Variants in LMO7 observed in about 807,000 individuals in gnomAD.
LMO7 encodes the protein LIM domain 7, also known as LIM domain only protein 7.
Under a neutral mutation model 206.5 loss-of-function variants are expected in LMO7, and 120 were observed. That is an observed-to-expected ratio of 0.58 (90% confidence interval 0.50 to 0.68). LMO7 has a LOEUF of 0.68. Ranked by LOEUF, LMO7 falls within the 30% of genes least tolerant of loss-of-function variation. The probability of loss-of-function intolerance (pLI) is 0.00; values close to 1 mark genes in which losing one functional copy is unlikely to be tolerated. For missense variants in LMO7, 1,959 were observed against 1,957.9 expected, an observed-to-expected ratio of 1.00 and a Z score of -0.01; for synonymous variants, 706 against 681.5, an observed-to-expected ratio of 1.04 and a Z score of -0.56.
At chr13:75,639,592 T>A (rs1288225730) in intron 1 of LMO7, among the ~76,000 whole-genome samples, 1 of 152,222 alleles carries the variant, frequency 6.6e-6, no homozygotes, top group East Asian at 1.9e-4. Flanking sequence ...TGGACTCTAA[T>A]TTTAGGCCTC....
At chr13:75,785,308 A>G (rs1000172712) in intron 4 of LMO7, among the ~76,000 whole-genome samples, 3 of 152,178 alleles carry the variant, frequency 2.0e-5, no homozygotes, top group Non-Finnish European at 4.4e-5. Context: ...AAGCCTATGA[A>G]TCACATCAAA....
intron 1 of LMO7, among the ~76,000 whole-genome samples, chr13:75,694,539 A>G (rs2041757676): frequency 1.3e-5 from 2 of 152,210 alleles, no homozygotes; most frequent in South Asian, 2.1e-4. Context: ...AGAACAATCC[A>G]TAGGAGAATG....
intron 17 of LMO7, 175 bp from the exon 18 acceptor site, chr13:75,835,058 G>A (rs987909089): frequency 1.4e-6 from 1 of 716,960 alleles, no homozygotes; most frequent in African/African-American, 1.8e-5. Flanking sequence ...TCTTGTATAT[G>A]TAGATTTTTT....
chr13:75,742,725 A>G (rs1160103554), intron 3 of LMO7, among the ~76,000 whole-genome samples: 1 of 152,244 alleles, frequency 6.6e-6, no homozygotes, highest in African/African-American at 2.4e-5. Context: ...AATTAACTCA[A>G]GATGGATTAA....
Position 75,636,453 on chromosome 13 carries a change from G to C in LMO7, c.-205G>C. ...CTTTCAGGAGTTTAGAGAAAGCCAGGTCTTCACGTTCGTGTAGGTTCGAGA... is the reference window on the plus strand; with the variant it reads ...CTTTCAGGAGTTTAGAGAAAGCCAGCTCTTCACGTTCGTGTAGGTTCGAGA... On this transcript the variant is annotated 5_prime_UTR_variant, in exon 1 of 31. Transcript: ENST00000377534. 4.9e-6 allele frequency: 7 copies of C among 1,417,012 alleles called. No individual in the cohort carries two copies. Among genetic ancestry groups the C allele is most frequent in the Non-Finnish European group, 6.4e-6 (7 of 1,091,204 alleles). 87.8% of individuals were successfully genotyped at this position (1,417,012 alleles called of 1,614,324 possible).
chr13:75,704,746 T>C (rs2042529273), intron 1 of LMO7, among the ~76,000 whole-genome samples: 1 of 152,230 alleles, frequency 6.6e-6, no homozygotes, highest in South Asian at 2.1e-4. Flanking sequence ...ATGTGGATTA[T>C]GCGATCAGAA....
chr13:75,681,736 A>ATGTATATATATATATATATATG (rs755013256), intron 1 of LMO7, among the ~76,000 whole-genome samples: 1 of 133,232 alleles, frequency 7.5e-6, no homozygotes, highest in African/African-American at 2.7e-5. Flanking sequence ...ATATATATAT[A>ATGTATATATATATATATATATG]TATATATATA....
intron 4 of LMO7, among the ~76,000 whole-genome samples, chr13:75,790,599 A>G (rs1158339261): frequency 6.6e-6 from 1 of 152,284 alleles, no homozygotes; most frequent in African/African-American, 2.4e-5. Context: ...TTGACTTGGT[A>G]CTAGTATTTT....
At chr13:75,851,749 C>T (rs546003869) in intron 27 of LMO7, among the ~76,000 whole-genome samples, 3 of 152,208 alleles carry the variant, frequency 2.0e-5, no homozygotes, top group South Asian at 4.1e-4. Context: ...GGAGCTAAAT[C>T]TGATTTTAAA....
chr13:75,637,826 G>A (rs2036105676), intron 1 of LMO7, among the ~76,000 whole-genome samples: 1 of 152,198 alleles, frequency 6.6e-6, no homozygotes, highest in Non-Finnish European at 1.5e-5. Flanking sequence ...AATGTGAGTA[G>A]CATTAACCAC....
chr13:75,654,510 A>C (rs1185358031), intron 1 of LMO7, among the ~76,000 whole-genome samples: 1 of 152,128 alleles, frequency 6.6e-6, no homozygotes, highest in Non-Finnish European at 1.5e-5. Context: ...CCCTTGGCAC[A>C]GGAAGGGAGG....
Position 75,841,951 on chromosome 13 carries a change from G to A in LMO7, c.3999G>A (p.Arg1333=), listed in dbSNP as rs748974045. ...EEQKRQAEIE[R]ETSVRIYQYR... ...AGAAGCGCCAGGCAGAGATAGAGCGGGAAACATCAGTCAGAATATACCAGT... is the reference window on the plus strand; with the variant it reads ...AGAAGCGCCAGGCAGAGATAGAGCGAGAAACATCAGTCAGAATATACCAGT... The change falls in exon 24 of 31, where the codon CGG becomes CGA. Residue 1333 remains arginine (R), a synonymous_variant. Transcript: ENST00000377534. The A allele has an allele frequency of 6.2e-7, 1 of 1,612,328 alleles. No homozygotes were observed. Among genetic ancestry groups the A allele is most frequent in the South Asian group, 1.1e-5 (1 of 90,992 alleles).
intron 9 of LMO7, chr13:75,806,323 T>A: frequency 3.6e-6 from 3 of 843,508 alleles, no homozygotes; most frequent in Non-Finnish European, 2.9e-6. Context: ...CTCTGCCTGC[T>A]TCTGCTGCTC....
intron 6 of LMO7, among the ~76,000 whole-genome samples, chr13:75,799,979 G>A (rs2054524759): frequency 6.6e-6 from 1 of 152,132 alleles, no homozygotes; most frequent in Admixed American, 6.5e-5. Context: ...CTTTATATGA[G>A]CCAAACAAAT....
In LMO7 at chr13:75,688,349, G is replaced by C. The variant is rs181628466; in HGVS notation, c.70-24833G>C. ...CCCCATATGTATGCTTAGAATTCTT[G>C]TGCGAATAACAGAAAGCTCCATTTC... On this transcript the variant is annotated intron_variant, in intron 1 of 30. Transcript: ENST00000377534. 3.6e-4 allele frequency among the ~76,000 whole-genome samples: 55 copies of C among 152,242 alleles called. 1 individual carries two copies. The highest frequency in any genetic ancestry group is 1.0e-3 in the Admixed American group (16 of 15,290).
Position 75,697,781 on chromosome 13 carries a change from C to G in LMO7, c.70-15401C>G, listed in dbSNP as rs139244156. ...CCAATAAGTGGAAATAAAATTACTA[C>G]TTGATCAACGGGAAACTAATAATTA... is the stretch of plus-strand genomic sequence containing the variant. On this transcript the variant is annotated intron_variant, in intron 1 of 30. Coordinates refer to ENST00000377534, the MANE Select transcript of LMO7 (RefSeq NM_001306080.2). Among the ~76,000 whole-genome samples, 88 of 152,324 alleles carry G rather than the reference C, an allele frequency of 5.8e-4. 2 individuals carry two copies. The East Asian group carries it at 0.015, about 26-fold the overall frequency.
At chr13:75,754,313 T>C (rs1356522105) in intron 3 of LMO7, among the ~76,000 whole-genome samples, 1 of 152,346 alleles carries the variant, frequency 6.6e-6, no homozygotes, top group East Asian at 1.9e-4. Flanking sequence ...CTTACTGTAA[T>C]GTTTTGTAGC....
At chr13:75,836,934 G>C (rs1358435961) in intron 19 of LMO7, among the ~76,000 whole-genome samples, 3 of 152,170 alleles carry the variant, frequency 2.0e-5, no homozygotes, top group African/African-American at 7.2e-5. Context: ...AAAATATCTA[G>C]GGAAATTTTG....
chr13:75,663,796 A>C (rs1031803051), intron 1 of LMO7, among the ~76,000 whole-genome samples: 2 of 152,194 alleles, frequency 1.3e-5, no homozygotes, highest in African/African-American at 2.4e-5. Flanking sequence ...TCATTAAGAG[A>C]ATATAGGAAT....
Sources: allele counts gnomAD v4.1 joint callset (sites outside exome capture counted in the v4.1 genomes callset), GRCh38; gene constraint gnomAD v4.1.1; transcripts MANE v1.5; gene names NCBI Gene and HGNC (gene_info 2026-07-23, HGNC 2026-07-21).